Variants in SCRG1 observed in about 807,000 individuals in gnomAD.
SCRG1 encodes stimulator of chondrogenesis 1.
Under a neutral mutation model 7.7 loss-of-function variants are expected in SCRG1, and 3 were observed. The observed-to-expected ratio is 0.39, with a 90% CI of 0.18 to 1.01. The LOEUF is 1.01. SCRG1 is among the 50% of genes least tolerant of loss of function. SCRG1 has a pLI of 0.36. For synonymous variants in SCRG1, 46 were observed against 41.2 expected (o/e 1.12, Z -0.44); for missense variants, 110 against 117.2 (o/e 0.94, Z 0.28).
chr4:173,395,184 A>G (rs1471372318), intron 1 of SCRG1, among the ~76,000 whole-genome samples: 1 of 152,128 alleles, frequency 6.6e-6, no homozygotes, highest in Non-Finnish European at 1.5e-5. Context: ...AATGATATTT[A>G]TCACAATTTA....
chr4:173,425,814 G>A, the SCRG1 span, among the ~76,000 whole-genome samples: 1 of 152,196 alleles, frequency 6.6e-6, no homozygotes, highest in Admixed American at 6.5e-5. Context: ...CATATCTCCA[G>A]GGACCTAAGA....
chr4:173,414,651 C>G, the SCRG1 span, among the ~76,000 whole-genome samples: 1 of 152,218 alleles, frequency 6.6e-6, no homozygotes, highest in African/African-American at 2.4e-5. Context: ...GTGTTCTCAT[C>G]TACAAGAGCA....
the SCRG1 span, among the ~76,000 whole-genome samples, chr4:173,497,157 C>G: frequency 6.6e-6 from 1 of 152,082 alleles, no homozygotes; most frequent in African/African-American, 2.4e-5. Context: ...AGAACTTTTC[C>G]TACTATATTG....
the SCRG1 span, among the ~76,000 whole-genome samples, chr4:173,445,881 G>A: frequency 2.6e-5 from 4 of 151,856 alleles, no homozygotes; most frequent in Admixed American, 6.6e-5. Flanking sequence ...GGCCAGGCTG[G>A]TCTCGAACTC....
the SCRG1 span, among the ~76,000 whole-genome samples, chr4:173,514,031 T>C: frequency 2.0e-5 from 3 of 152,206 alleles, no homozygotes; most frequent in South Asian, 6.2e-4. Flanking sequence ...ATACCACATA[T>C]TGAGGAGGAG....
At chr4:173,508,413 T>C in the SCRG1 span, among the ~76,000 whole-genome samples, 1 of 151,964 alleles carries the variant, frequency 6.6e-6, no homozygotes, top group African/African-American at 2.4e-5. The surrounding 1 kb of genome is among the most constrained non-coding windows in gnomAD (Gnocchi z 4.4). Context: ...ATCCGACAAA[T>C]ATGCCCACAC....
At chr4:173,431,093 A>C in the SCRG1 span, among the ~76,000 whole-genome samples, 1 of 152,166 alleles carries the variant, frequency 6.6e-6, no homozygotes, top group Non-Finnish European at 1.5e-5. Context: ...CATGTGACAA[A>C]CTTGCACGGG....
chr4:173,430,310 T>C, the SCRG1 span, among the ~76,000 whole-genome samples: 2 of 152,200 alleles, frequency 1.3e-5, no homozygotes, highest in African/African-American at 4.8e-5. Context: ...GTTTTTACTA[T>C]CTGGATGACA....
the SCRG1 span, among the ~76,000 whole-genome samples, chr4:173,429,292 A>ATT: frequency 4.0e-5 from 6 of 150,574 alleles, no homozygotes; most frequent in African/African-American, 7.3e-5. Context: ...GAGAAAAAAA[A>ATT]TTTTTTTTTT....
chr4:173,507,197 CTGTTTGTT>C, the SCRG1 span, among the ~76,000 whole-genome samples: 355 of 151,392 alleles, frequency 2.3e-3, 2 homozygotes, highest in East Asian at 5.7e-3. The surrounding 1 kb of genome is among the most constrained non-coding windows in gnomAD (Gnocchi z 4.4). Context: ...CCCTGTTTTT[CTGTTTGTT>C]TGTTTGTTTG....
the SCRG1 span, among the ~76,000 whole-genome samples, chr4:173,445,896 C>A: frequency 6.6e-6 from 1 of 152,066 alleles, no homozygotes; most frequent in East Asian, 2.0e-4. Flanking sequence ...GAACTCCTGA[C>A]CTTGTGATCC....
chr4:173,444,208 G>A, the SCRG1 span, among the ~76,000 whole-genome samples: 20 of 151,958 alleles, frequency 1.3e-4, no homozygotes, highest in Non-Finnish European at 2.2e-4. Context: ...TCCTGACCTC[G>A]GGTGATTCAC....
At chr4:173,483,511 AT>A in the SCRG1 span, among the ~76,000 whole-genome samples, 9 of 91,074 alleles carry the variant, frequency 9.9e-5, no homozygotes, top group African/African-American at 4.2e-4. Flanking sequence ...ATTCTGATAT[AT>A]AATATATATT....
At chr4:173,470,641 A>G in the SCRG1 span, among the ~76,000 whole-genome samples, 3 of 152,236 alleles carry the variant, frequency 2.0e-5, no homozygotes, top group African/African-American at 4.8e-5. Context: ...CCCTTTTAAT[A>G]TAGTTCAAGG....
chr4:173,424,654 A>G, the SCRG1 span, among the ~76,000 whole-genome samples: 1 of 152,152 alleles, frequency 6.6e-6, no homozygotes, highest in East Asian at 1.9e-4. Context: ...TCACGCTTGT[A>G]TCCCAGAACT....
the SCRG1 span, among the ~76,000 whole-genome samples, chr4:173,455,792 G>T: frequency 2.9e-4 from 44 of 152,196 alleles, no homozygotes; most frequent in African/African-American, 1.1e-3. Context: ...TTTTTCAAGT[G>T]TACAGAGGAG....
At chr4:173,504,616 C>T in the SCRG1 span, among the ~76,000 whole-genome samples, 1 of 152,220 alleles carries the variant, frequency 6.6e-6, no homozygotes, top group Non-Finnish European at 1.5e-5. The surrounding 1 kb of genome is among the most constrained non-coding windows in gnomAD (Gnocchi z 4.7). Flanking sequence ...AAATTTTGTG[C>T]ACAATTATTT....
the SCRG1 span, among the ~76,000 whole-genome samples, chr4:173,493,432 C>T: frequency 6.6e-6 from 1 of 152,182 alleles, no homozygotes; most frequent in South Asian, 2.1e-4. Flanking sequence ...AATTTAGGAG[C>T]ACTTTCATCT....
At chr4:173,393,058 T>TC (rs1739500043) in intron 1 of SCRG1, among the ~76,000 whole-genome samples, 1 of 149,010 alleles carries the variant, frequency 6.7e-6, no homozygotes, top group South Asian at 2.1e-4. Flanking sequence ...GCCACTGCAC[T>TC]CCACCCTGCA....
Sources: allele counts gnomAD v4.1 joint callset (sites outside exome capture counted in the v4.1 genomes callset), GRCh38; gene constraint gnomAD v4.1.1; non-coding constraint Gnocchi (gnomAD v3.1); transcripts MANE v1.5; gene names NCBI Gene and HGNC (gene_info 2026-07-23, HGNC 2026-07-21).